The following LCLAT1 variants were observed in gnomAD, a reference collection of about 807,000 sequenced individuals.
LCLAT1 encodes the protein lysocardiolipin acyltransferase 1, also known as 1-AGP acyltransferase 8.
In LCLAT1, 11 loss-of-function variants were observed where a neutral mutation model predicts 30.7. That is an observed-to-expected ratio of 0.36 (90% CI 0.23 to 0.59). The LOEUF (loss-of-function observed/expected upper bound fraction) is 0.59, where lower values mean the gene tolerates loss of function less well. LCLAT1 is among the 20% of genes least tolerant of loss of function. LCLAT1 has a pLI of 0.77. For synonymous variants in LCLAT1, 155 were observed against 151.3 expected, an observed-to-expected ratio of 1.02 and a Z score of -0.18; for missense variants, 402 against 458.6, an observed-to-expected ratio of 0.88 and a Z score of 1.13.
At chr2:30,536,697 T>C (rs1385488876) in intron 3 of LCLAT1, among the ~76,000 whole-genome samples, 3 of 152,116 alleles carry the variant, frequency 2.0e-5, no homozygotes, top group Admixed American at 2.0e-4. Context: ...TAAAACATAC[T>C]AATAGAACAG....
chr2:30,619,255 A>G (rs547992962), intron 5 of LCLAT1, among the ~76,000 whole-genome samples: 206 of 152,326 alleles, frequency 1.4e-3, no homozygotes, highest in African/African-American at 4.9e-3. Flanking sequence ...TTCGCTAGTA[A>G]TTACAGCCCT....
intron 5 of LCLAT1, among the ~76,000 whole-genome samples, chr2:30,599,265 A>T (rs1667071720): frequency 6.6e-6 from 1 of 152,170 alleles, no homozygotes; most frequent in Non-Finnish European, 1.5e-5. Context: ...TCCGGACATG[A>T]GCCACTGCAC....
chr2:30,619,867 G>C (rs1225088244), intron 5 of LCLAT1, among the ~76,000 whole-genome samples: 1 of 152,060 alleles, frequency 6.6e-6, no homozygotes, highest in East Asian at 1.9e-4. Context: ...TTATCTCCCA[G>C]GTTCCAAAGT....
At chr2:30,583,965 A>G (rs1433628901) in intron 5 of LCLAT1, among the ~76,000 whole-genome samples, 3 of 152,008 alleles carry the variant, frequency 2.0e-5, no homozygotes, top group African/African-American at 7.3e-5. Flanking sequence ...TTACTTAGGG[A>G]TACGTGTGCC....
intron 1 of LCLAT1, among the ~76,000 whole-genome samples, chr2:30,458,839 A>G (rs1232242835): frequency 6.6e-6 from 1 of 152,192 alleles, no homozygotes; most frequent in Non-Finnish European, 1.5e-5. Context: ...CCATTAGGAT[A>G]ATGAAAGTAA....
chr2:30,466,907 A>G (rs1035837026), intron 1 of LCLAT1, among the ~76,000 whole-genome samples: 1 of 152,204 alleles, frequency 6.6e-6, no homozygotes. Flanking sequence ...TTATTGTATT[A>G]TAATCAGAAG....
chr2:30,494,457 G>A (rs1199543113), intron 1 of LCLAT1, among the ~76,000 whole-genome samples: 1 of 152,028 alleles, frequency 6.6e-6, no homozygotes, highest in East Asian at 1.9e-4. Context: ...AGTGAAAGTG[G>A]ACAATAATAT....
At chr2:30,612,816 A>G (rs146430825) in intron 5 of LCLAT1, among the ~76,000 whole-genome samples, 68 of 152,324 alleles carry the variant, frequency 4.5e-4, no homozygotes, top group African/African-American at 1.4e-3. Flanking sequence ...CCCCAGAGAC[A>G]GAAGCTCAGC....
In LCLAT1 at chr2:30,605,988, GCTCCCCA is replaced by G. The variant is rs1395245205; in HGVS notation, c.629-34118_629-34112del. 8 of 1,281,740 alleles carry G rather than the reference GCTCCCCA, an allele frequency of 6.2e-6. No individual in the cohort carries two copies. The East Asian group carries it at 4.8e-4, about 78-fold the overall frequency. 79.4% of individuals were successfully genotyped at this position (1,281,740 alleles called of 1,614,324 possible). A position where few individuals can be genotyped will look rare whatever the true frequency, so the allele number is the denominator to read the frequency against. On this transcript the variant is annotated intron_variant, in intron 5 of 5. Transcript: ENST00000379509. ...GTTCTTGCTACCATGAGAATCTAAT[GCTCCCCA>G]CTCCCCACTCTGTTGATCAGGCAGG...
chr2:30,563,569 G>A (rs1665338361), intron 4 of LCLAT1, among the ~76,000 whole-genome samples: 1 of 152,196 alleles, frequency 6.6e-6, no homozygotes, highest in Non-Finnish European at 1.5e-5. Flanking sequence ...TGTAAGGGAA[G>A]ACAGGCTGAA....
chr2:30,532,999 T>C (rs958926729), intron 2 of LCLAT1, 117 bp from the exon 3 acceptor site: 5 of 726,888 alleles, frequency 6.9e-6, no homozygotes, highest in Non-Finnish European at 4.7e-6. Context: ...GCAAGGATCA[T>C]GGGAAATACT....
intron 3 of LCLAT1, among the ~76,000 whole-genome samples, chr2:30,535,200 A>G (rs1419554943): frequency 6.6e-6 from 1 of 152,200 alleles, no homozygotes; most frequent in Non-Finnish European, 1.5e-5. Context: ...GAGAGGAAAG[A>G]AAACCATGTA....
chr2:30,480,639 C>T (rs10178829), intron 1 of LCLAT1, among the ~76,000 whole-genome samples: 19,205 of 152,064 alleles, frequency 0.13, 1,345 homozygotes, highest in South Asian at 0.23. Flanking sequence ...TGTAATTCCA[C>T]CTCTTTGGGA....
intron 1 of LCLAT1, among the ~76,000 whole-genome samples, chr2:30,514,020 C>T (rs1685064950): frequency 6.6e-6 from 1 of 152,354 alleles, no homozygotes; most frequent in African/African-American, 2.4e-5. Flanking sequence ...TCTAAATTAA[C>T]TGAGACCTGT....
At chr2:30,548,671 G>A (rs1304373557) in intron 3 of LCLAT1, among the ~76,000 whole-genome samples, 1 of 152,074 alleles carries the variant, frequency 6.6e-6, no homozygotes, top group Non-Finnish European at 1.5e-5. Context: ...TCCTAGATCT[G>A]GAAAGAAAGG....
intron 5 of LCLAT1, among the ~76,000 whole-genome samples, chr2:30,599,931 A>ATGTT (rs1667101613): frequency 6.6e-6 from 1 of 152,138 alleles, no homozygotes; most frequent in South Asian, 2.1e-4. Flanking sequence ...TTAAGGTAAT[A>ATGTT]TGTTTGAATT....
chr2:30,520,126 C>T (rs1410844790), intron 1 of LCLAT1, among the ~76,000 whole-genome samples: 1 of 152,160 alleles, frequency 6.6e-6, no homozygotes, highest in Non-Finnish European at 1.5e-5. Flanking sequence ...GTAACACTCA[C>T]CGCATGGCCC....
chr2:30,459,854 A>G, intron 1 of LCLAT1: 6 of 585,244 alleles, frequency 1.0e-5, no homozygotes, highest in South Asian at 9.5e-5. Flanking sequence ...TGCTTGTTCT[A>G]TAACCTTTTC....
chr2:30,484,245 A>G (rs972081465), intron 1 of LCLAT1, among the ~76,000 whole-genome samples: 3 of 152,176 alleles, frequency 2.0e-5, no homozygotes, highest in Non-Finnish European at 4.4e-5. Context: ...GTTACCATTC[A>G]TTGAGGATAA....
Sources: allele counts gnomAD v4.1 joint callset (sites outside exome capture counted in the v4.1 genomes callset), GRCh38; gene constraint gnomAD v4.1.1; transcripts MANE v1.5; gene names NCBI Gene and HGNC (gene_info 2026-07-23, HGNC 2026-07-21).